The following SLC6A20 variants were observed in gnomAD, a reference collection of about 807,000 sequenced individuals.
The protein encoded by SLC6A20 is solute carrier family 6 member 20, also known as sodium- and chloride-dependent transporter XTRP3.
A neutral mutation model predicts 64.3 loss-of-function variants in SLC6A20; 73 were observed. That is an observed-to-expected ratio of 1.14 (90% CI 0.94 to 1.38). The LOEUF (loss-of-function observed/expected upper bound fraction) is 1.38. Ranked by LOEUF, SLC6A20 falls within the 40% of genes most tolerant of loss-of-function variation. The probability of loss-of-function intolerance (pLI) is 0.00; values close to 1 mark genes in which losing one functional copy is unlikely to be tolerated. For synonymous variants in SLC6A20, 347 were observed against 329.6 expected (o/e 1.05, Z -0.57); for missense variants, 725 against 772.8 (o/e 0.94, Z 0.73).
chr3:45,782,242 G>T lies in SLC6A20; in HGVS notation c.122-19C>A. 2 of 1,602,864 alleles carry T rather than the reference G, an allele frequency of 1.2e-6. No homozygotes were observed. Among genetic ancestry groups the T allele is most frequent in the Admixed American group, 1.7e-5 (1 of 58,770 alleles). Reference sequence around the variant, plus strand: ...AAACTACCTGTGGATGTCCAGAGCTGAGAGCCAGGCCACCACCAAAAGGCT... The same window carrying T: ...AAACTACCTGTGGATGTCCAGAGCTTAGAGCCAGGCCACCACCAAAAGGCT... On this transcript the variant is annotated intron_variant, in intron 1 of 10. Transcript: ENST00000358525.
Position 45,771,478 on chromosome 3 carries a change from A to G in SLC6A20, c.694-20T>C, listed in dbSNP as rs1360839934. ...CTCTATCTGGAAGGCCAGCAGGGAC[A>G]GGGCTGATGATCCCTGGGTGGAATC... On this transcript the variant is annotated intron_variant, in intron 5 of 10. Transcript: ENST00000358525. 6.2e-7 allele frequency: 1 copy of G among 1,613,106 alleles called. No individual in the cohort carries two copies. The highest frequency in any genetic ancestry group is 2.2e-5 in the East Asian group (1 of 44,878).
intron 9 of SLC6A20, among the ~76,000 whole-genome samples, chr3:45,761,862 G>A (rs1699688176): frequency 6.6e-6 from 1 of 152,180 alleles, no homozygotes; most frequent in South Asian, 2.1e-4. Flanking sequence ...TGTCCTGATG[G>A]ATCATGGGAG....
In SLC6A20 at chr3:45,773,437, C is replaced by T. The variant is rs1699912210; in HGVS notation, c.583-822G>A. Among the ~76,000 whole-genome samples, 4 of 152,270 alleles carry T rather than the reference C, an allele frequency of 2.6e-5. No individual in the cohort carries two copies. The South Asian group carries it at 8.3e-4, about 32-fold the overall frequency. On this transcript the variant is annotated intron_variant, in intron 4 of 10. Coordinates refer to ENST00000358525, the MANE Select transcript of SLC6A20 (RefSeq NM_020208.4). ...TTAATATCTTTGGTGTTCATGGTAG[C>T]TTTAGTAGTCACCTGTCATGCTCTG...
At chr3:45,788,212 T>C (rs1371680857) in intron 1 of SLC6A20, among the ~76,000 whole-genome samples, 1 of 151,322 alleles carries the variant, frequency 6.6e-6, no homozygotes, top group African/African-American at 2.4e-5. Flanking sequence ...CCATATTTTT[T>C]GCTAGGGGAG....
chr3:45,765,542 A>G lies in SLC6A20; in HGVS notation c.1298T>C (p.Ile433Thr). 6.2e-7 allele frequency: 1 copy of G among 1,612,596 alleles called. No individual in the cohort carries two copies. The highest frequency in any genetic ancestry group is 1.1e-5 in the South Asian group (1 of 90,908). ...CACTGGCTGGCCCCGCTGACCTGAG[A>G]TGGCCTCCTTGGGCAGGTGGCTGGA... ...IISSHLPKEA[I>T]SGLVCLVNCA... is the part of the protein sequence containing the mutation. Residue 433 changes from isoleucine to threonine, a missense_variant, in exon 8 of 11, where the codon ATC (isoleucine) becomes ACC (threonine). Transcript: ENST00000358525. This position sits in a 1 kb window ranked among gnomAD's most constrained non-coding sequence, Gnocchi z 4.2.
intron 3 of SLC6A20, 138 bp downstream of exon 3, chr3:45,779,871 T>A (rs1376603450): frequency 1.1e-6 from 1 of 891,498 alleles, no homozygotes; most frequent in Non-Finnish European, 1.7e-6. Flanking sequence ...TGGCTTCCCC[T>A]CCACCTCACA....
chr3:45,786,440 G>A (rs1403568789), intron 1 of SLC6A20, among the ~76,000 whole-genome samples: 1 of 152,172 alleles, frequency 6.6e-6, no homozygotes, highest in African/African-American at 2.4e-5. Flanking sequence ...AGGAGCACTG[G>A]CCAGTTACTT....
chr3:45,775,568 C>T (rs905889504), intron 4 of SLC6A20, among the ~76,000 whole-genome samples, 193 bp downstream of exon 4: 2 of 152,124 alleles, frequency 1.3e-5, no homozygotes, highest in African/African-American at 4.8e-5. Flanking sequence ...ATCTCTGGCC[C>T]TCTCTATAGT....
intron 1 of SLC6A20, among the ~76,000 whole-genome samples, chr3:45,784,744 G>C (rs1700145149): frequency 6.6e-6 from 1 of 152,180 alleles, no homozygotes; most frequent in Non-Finnish European, 1.5e-5. Context: ...GAATACCAGA[G>C]ACTGGATAAT....
At chr3:45,783,629 T>C (rs2125653566) in intron 1 of SLC6A20, among the ~76,000 whole-genome samples, 1 of 152,368 alleles carries the variant, frequency 6.6e-6, no homozygotes, top group East Asian at 1.9e-4. Context: ...TGTTTGTGTA[T>C]TTCCTTGGGA....
intron 3 of SLC6A20, among the ~76,000 whole-genome samples, chr3:45,779,800 T>C (rs539010078): frequency 6.5e-4 from 99 of 152,370 alleles, no homozygotes; most frequent in African/African-American, 2.3e-3. Flanking sequence ...GGACTCTTGC[T>C]TACAGCGTAA....
rs1176963596 is a variant in SLC6A20, at chr3:45,758,162, C to T, written c.*816G>A. ...CAAACTCCTGACCTCAAGTGATCCA[C>T]CCACCTTGACCCCCAAGGTGCTAGG... is the stretch of plus-strand genomic sequence containing the variant. On this transcript the variant is annotated 3_prime_UTR_variant, in exon 11 of 11. Coordinates refer to ENST00000358525, the MANE Select transcript of SLC6A20 (RefSeq NM_020208.4). The T allele has an allele frequency of 5.8e-6, 1 of 171,972 alleles. No individual in the cohort carries two copies. Among genetic ancestry groups the T allele is most frequent in the Non-Finnish European group, 1.3e-5 (1 of 79,834 alleles). The allele number at this position is 171,972 out of a possible 1,614,324, so 10.7% of individuals were successfully genotyped here.
intron 4 of SLC6A20, among the ~76,000 whole-genome samples, 195 bp downstream of exon 4, chr3:45,775,566 C>T (rs1699950556): frequency 1.3e-5 from 2 of 152,104 alleles, no homozygotes; most frequent in Admixed American, 1.3e-4. Flanking sequence ...CCATCTCTGG[C>T]CCTCTCTATA....
At chr3:45,778,782 A>G (rs1700019489) in intron 3 of SLC6A20, among the ~76,000 whole-genome samples, 2 of 152,206 alleles carry the variant, frequency 1.3e-5, no homozygotes, top group African/African-American at 4.8e-5. Context: ...CTATAGAGTA[A>G]GAAGAGTTGC....
intron 6 of SLC6A20, 49 bp downstream of exon 6, chr3:45,771,168 G>C (rs777290793): frequency 6.2e-7 from 1 of 1,612,188 alleles, no homozygotes; most frequent in East Asian, 2.2e-5. Flanking sequence ...CGACCCTTCA[G>C]CTCAGAGCTC....
At chr3:45,793,607 G>A (rs998156472) in intron 1 of SLC6A20, among the ~76,000 whole-genome samples, 1 of 152,174 alleles carries the variant, frequency 6.6e-6, no homozygotes, top group Non-Finnish European at 1.5e-5. Context: ...GGAGCAGGAA[G>A]GAAACAAGCC....
intron 5 of SLC6A20, chr3:45,771,832 A>G: frequency 4.0e-6 from 1 of 251,622 alleles, no homozygotes; most frequent in South Asian, 7.8e-5. Flanking sequence ...AAATAATTAA[A>G]ACACAAATGG....
In SLC6A20 at chr3:45,775,968, G is replaced by A; in HGVS notation, c.375C>T (p.Val125=). The change falls in exon 4 of 11, where the codon GTC becomes GTT. Residue 125 remains valine, a synonymous_variant. Transcript: ENST00000358525. ...CCGTGTGGTTACCATTCAGTGGGCAGACAGACCACGGCAGGGGATCCTGTG... is the reference window on the plus strand; with the variant it reads ...CCGTGTGGTTACCATTCAGTGGGCAAACAGACCACGGCAGGGGATCCTGTG... ...HSFQDPLPWS[V]CPLNGNHTGY... is the part of the protein sequence containing the mutation. The A allele has an allele frequency of 1.9e-6, 3 of 1,614,226 alleles. No individual in the cohort carries two copies. The South Asian group carries it at 3.3e-5, about 18-fold the overall frequency.
rs551737950 is a variant in SLC6A20 at position 45,759,991 on chromosome 3, G to A, written c.1495C>T (p.Arg499Ter). 56 of 1,612,502 alleles carry A rather than the reference G, an allele frequency of 3.5e-5. No homozygotes were observed. Among genetic ancestry groups the A allele is most frequent in the East Asian group, 1.8e-4 (8 of 44,868 alleles). Residue 499 changes from arginine to a stop codon, truncating the protein, a stop_gained, in exon 10 of 11, where the codon CGA becomes TGA. Coordinates refer to ENST00000358525, the MANE Select transcript of SLC6A20 (RefSeq NM_020208.4). LOFTEE classifies it high-confidence loss of function. Reference protein sequence around the residue: ...FESDLKAMTGRAVSWYWKVMW... With the variant: ...FESDLKAMTG ...ACCTTCCAGTACCAGCTCACAGCTC[G>A]GCCGGTCATGGCCTTAAGGTCACTT...
Sources: allele counts gnomAD v4.1 joint callset (sites outside exome capture counted in the v4.1 genomes callset), GRCh38; gene constraint gnomAD v4.1.1; non-coding constraint Gnocchi (gnomAD v3.1); transcripts MANE v1.5; gene names NCBI Gene and HGNC (gene_info 2026-07-23, HGNC 2026-07-21).